The following NXN variants were observed in gnomAD, a reference collection of about 807,000 sequenced individuals.
NXN encodes the protein nucleoredoxin 1.
In NXN, 16 loss-of-function variants were observed where a neutral mutation model predicts 48.6. The observed-to-expected ratio is 0.33, with a 90% CI of 0.22 to 0.50. NXN has a LOEUF of 0.50. Ranked by LOEUF, NXN falls within the 20% of genes least tolerant of loss-of-function variation. NXN has a pLI of 0.98. For synonymous variants in NXN, 281 were observed against 269.6 expected, an observed-to-expected ratio of 1.04 and a Z score of -0.41; for missense variants, 492 against 605.5, an observed-to-expected ratio of 0.81 and a Z score of 1.97.
intron 1 of NXN, among the ~76,000 whole-genome samples, chr17:964,438 C>G (rs1014864251): frequency 2.6e-5 from 4 of 152,164 alleles, no homozygotes; most frequent in Non-Finnish European, 5.9e-5. Flanking sequence ...TAATACTTTC[C>G]GCAAATCCAA....
chr17:840,475 G>A (rs1406280865), intron 1 of NXN, among the ~76,000 whole-genome samples: 4 of 152,142 alleles, frequency 2.6e-5, no homozygotes, highest in Non-Finnish European at 5.9e-5. Context: ...AGGTAGCTGG[G>A]ACTACAGGCG....
At position 841,372 on chromosome 17, in the gene NXN, C is replaced by T. The variant is rs572652186; in HGVS notation, c.361-15294G>A. On this transcript the variant is annotated intron_variant, in intron 1 of 7. Coordinates refer to ENST00000336868, the MANE Select transcript of NXN (RefSeq NM_022463.5). ...GCCAGGGCTGGGACCCAGAGCAGCC[C>T]ACACACGGTGCATCTCACGCCGGCG... Among the ~76,000 whole-genome samples, 14 of 134,972 alleles carry T rather than the reference C, an allele frequency of 1.0e-4. No individual in the cohort carries two copies. In the East Asian group the frequency reaches 1.7e-3, roughly 16 times the overall value. The allele number at this position is 134,972 out of a possible 152,430, so 88.5% of individuals were successfully genotyped here.
At chr17:909,117 A>G (rs1240331401) in intron 1 of NXN, among the ~76,000 whole-genome samples, 1 of 102,250 alleles carries the variant, frequency 9.8e-6, no homozygotes, top group Non-Finnish European at 2.1e-5. Context: ...AAAAAAAAAA[A>G]AAAAAAAAAA....
At chr17:804,622 G>A (rs1778748154) in intron 6 of NXN, among the ~76,000 whole-genome samples, 1 of 152,144 alleles carries the variant, frequency 6.6e-6, no homozygotes, top group African/African-American at 2.4e-5. Context: ...GGGTGAGATG[G>A]GAGACGGGGA....
At chr17:942,710 C>A (rs1199747444) in intron 1 of NXN, among the ~76,000 whole-genome samples, 90 of 114,386 alleles carry the variant, frequency 7.9e-4, no homozygotes, top group South Asian at 1.4e-3. Context: ...ACTCACATCA[C>A]ACCTTCCTGG....
Position 931,346 on chromosome 17 carries a change from G to C in NXN, c.360+47973C>G, listed in dbSNP as rs150012803. Among the ~76,000 whole-genome samples the C allele has an allele frequency of 5.0e-3, 748 of 151,040 alleles. 7 individuals carry two copies. The highest frequency in any genetic ancestry group is 0.018 in the African/African-American group (726 of 41,110). ...TGTGTGCCTGTAATCTCAGCTACTG[G>C]AGAGGCTGAGGCAGAAGAAATGCTT... On this transcript the variant is annotated intron_variant, in intron 1 of 7. Coordinates refer to ENST00000336868, the MANE Select transcript of NXN (RefSeq NM_022463.5).
chr17:914,267 T>C (rs2068664352), intron 1 of NXN, among the ~76,000 whole-genome samples: 1 of 46,154 alleles, frequency 2.2e-5, no homozygotes, highest in African/African-American at 4.9e-5. Context: ...ACTCCTGACC[T>C]CAGGTGACTC....
In NXN at chr17:803,730, G is replaced by A. The variant is rs532956066; in HGVS notation, c.1077C>T (p.Tyr359=). The change falls in exon 7 of 8, where the codon TAC becomes TAT. Residue 359 remains tyrosine (Y), a synonymous_variant. Coordinates refer to ENST00000336868, the MANE Select transcript of NXN (RefSeq NM_022463.5). ...GGGGTGCCTCCTCCTCTTTGGCTTT[G>A]TACTTGGCAATGATTTTCTCAGCTA... is the stretch of plus-strand genomic sequence containing the variant. ...QPIAEKIIAK[Y]KAKEEEAPLL... The A allele has an allele frequency of 1.2e-6, 2 of 1,614,226 alleles. No homozygotes were observed. Among genetic ancestry groups the A allele is most frequent in the East Asian group, 2.2e-5 (1 of 44,886 alleles).
intron 1 of NXN, among the ~76,000 whole-genome samples, chr17:951,403 C>T (rs117582359): frequency 0.05 from 7,552 of 151,914 alleles, 339 homozygotes; most frequent in East Asian, 0.24. Flanking sequence ...TAACACACCC[C>T]CAGGTGGAGG....
chr17:892,988 C>G (rs896033548), intron 1 of NXN, among the ~76,000 whole-genome samples: 1 of 152,224 alleles, frequency 6.6e-6, no homozygotes, highest in African/African-American at 2.4e-5. Flanking sequence ...GGAGGGGTAC[C>G]TGTGAACTCT....
chr17:812,458 A>G (rs1439564837), intron 5 of NXN, among the ~76,000 whole-genome samples: 1 of 152,232 alleles, frequency 6.6e-6, no homozygotes, highest in Non-Finnish European at 1.5e-5. Flanking sequence ...CTGAGACCCC[A>G]GGGCACAGAC....
intron 1 of NXN, among the ~76,000 whole-genome samples, chr17:970,949 T>C (rs538249065): frequency 3.7e-4 from 56 of 151,060 alleles, no homozygotes; most frequent in African/African-American, 1.3e-3. Flanking sequence ...GAGACTCTTT[T>C]TTTTTTTTTT....
intron 1 of NXN, among the ~76,000 whole-genome samples, chr17:906,268 T>A (rs983936808): frequency 1.3e-5 from 2 of 152,178 alleles, no homozygotes; most frequent in African/African-American, 4.8e-5. Context: ...ACCATATAGT[T>A]AAGAAGTGTC....
intron 5 of NXN, among the ~76,000 whole-genome samples, chr17:810,283 G>GTGGTGTGTACGTTACAAGTCTGTGAA (rs1911899999): frequency 7.3e-6 from 1 of 136,946 alleles, no homozygotes; most frequent in Non-Finnish European, 1.6e-5. Context: ...GAGTCTGTGA[G>GTGGTGTGTACGTTACAAGTCTGTGAA]TGGCGTGCAC....
chr17:954,867 T>C (rs2069148682), intron 1 of NXN, among the ~76,000 whole-genome samples: 1 of 152,252 alleles, frequency 6.6e-6, no homozygotes, highest in Non-Finnish European at 1.5e-5. Flanking sequence ...TTTCTTTACA[T>C]TGCACATATT....
At chr17:966,198 A>C (rs2069300754) in intron 1 of NXN, among the ~76,000 whole-genome samples, 1 of 152,120 alleles carries the variant, frequency 6.6e-6, no homozygotes, top group African/African-American at 2.4e-5. Flanking sequence ...ATCTACAACA[A>C]GCTTGTCCAA....
At chr17:897,084 T>TA (rs2068494944) in intron 1 of NXN, 12 of 1,053,252 alleles carry the variant, frequency 1.1e-5, no homozygotes, top group African/African-American at 1.0e-4. Context: ...CAGGGACTGG[T>TA]AACCCACGGC....
intron 1 of NXN, among the ~76,000 whole-genome samples, chr17:883,910 C>A (rs2068313000): frequency 6.6e-6 from 1 of 152,182 alleles, no homozygotes; most frequent in African/African-American, 2.4e-5. Context: ...CCCATCTCTA[C>A]TAAAAGATAA....
chr17:862,854 C>T (rs1310967694), intron 1 of NXN, among the ~76,000 whole-genome samples: 1 of 152,178 alleles, frequency 6.6e-6, no homozygotes, highest in Non-Finnish European at 1.5e-5. Context: ...CAAATTCAGA[C>T]TCTGGAAAAT....
Sources: gnomAD v4.1 joint callset for allele counts (sites outside exome capture counted in the v4.1 genomes callset) on GRCh38, gnomAD v4.1.1 for gene constraint, MANE v1.5 for transcripts, NCBI Gene and HGNC (gene_info 2026-07-23, HGNC 2026-07-21) for gene names.